The following PBX1 variants were observed in gnomAD, a reference collection of about 807,000 sequenced individuals.
PBX1 encodes the protein PBX homeobox 1, also known as pre-B-cell leukemia transcription factor 1.
In PBX1, 6 loss-of-function variants were observed where a neutral mutation model predicts 53.4. That is an observed-to-expected ratio of 0.11 (90% CI 0.06 to 0.22). The LOEUF (loss-of-function observed/expected upper bound fraction) is 0.22, where lower values mean the gene tolerates loss of function less well. Ranked by LOEUF, PBX1 falls within the 10% of genes least tolerant of loss-of-function variation. The pLI is 1.00. For synonymous variants in PBX1, 204 were observed against 212.3 expected, an observed-to-expected ratio of 0.96 and a Z score of 0.34; for missense variants, 251 against 551.4, an observed-to-expected ratio of 0.46 and a Z score of 5.46.
rs549678753 is a variant in PBX1, at chr1:164,711,189, A to C, written c.266-81305A>C. On this transcript the variant is annotated intron_variant, in intron 2 of 8. Transcript: ENST00000420696. ...TACCAACAGCAGTGAACCAGGGCCT[A>C]GTTGTCAGCAACCAAGACCTCTGCT... Among the ~76,000 whole-genome samples, 138 of 152,320 alleles carry C rather than the reference A, an allele frequency of 9.1e-4. 1 individual carries two copies. Among genetic ancestry groups the C allele is most frequent in the African/African-American group, 3.1e-3 (130 of 41,574 alleles).
At chr1:164,813,660 A>G (rs1475005484) in intron 6 of PBX1, 1 of 152,246 alleles carries the variant, frequency 6.6e-6, no homozygotes, top group Non-Finnish European at 1.5e-5. Flanking sequence ...AAAGGTTATC[A>G]TAATGCAAAA....
chr1:164,705,424 C>T (rs1663371856), intron 2 of PBX1, among the ~76,000 whole-genome samples: 1 of 152,108 alleles, frequency 6.6e-6, no homozygotes, highest in Admixed American at 6.5e-5. Flanking sequence ...TAAGGTGTTT[C>T]CCCCAAAGAA....
chr1:164,630,437 C>A (rs769235566), intron 2 of PBX1, among the ~76,000 whole-genome samples: 1 of 152,096 alleles, frequency 6.6e-6, no homozygotes, highest in Non-Finnish European at 1.5e-5. Flanking sequence ...ATGCTGTTTT[C>A]ATATTTAAGC....
intron 2 of PBX1, among the ~76,000 whole-genome samples, chr1:164,632,032 T>C (rs76147517): frequency 0.085 from 13,003 of 152,254 alleles, 588 homozygotes; most frequent in Middle Eastern, 0.11. Flanking sequence ...CACAGGCTGT[T>C]GTTAGATTTA....
intron 6 of PBX1, chr1:164,813,801 C>G (rs550465809): frequency 6.6e-6 from 1 of 152,186 alleles, no homozygotes. Context: ...TTTATTCTTT[C>G]CTAAAGCCCT....
At chr1:164,575,880 G>C (rs971491438) in intron 2 of PBX1, among the ~76,000 whole-genome samples, 1 of 152,104 alleles carries the variant, frequency 6.6e-6, no homozygotes, top group Non-Finnish European at 1.5e-5. Flanking sequence ...GGTGGGTGCG[G>C]GTGGGTGGTG....
intron 2 of PBX1, among the ~76,000 whole-genome samples, chr1:164,600,410 G>A (rs1022330532): frequency 7.2e-5 from 11 of 151,820 alleles, no homozygotes; most frequent in Non-Finnish European, 1.3e-4. Context: ...CGCCACCATC[G>A]GCTGATTTTT....
At chr1:164,855,941 C>T (rs1249623246), downstream of PBX1, among the ~76,000 whole-genome samples, 3 of 152,330 alleles carry the variant, frequency 2.0e-5, no homozygotes, top group Admixed American at 6.5e-5. Flanking sequence ...AGGCTCCCGC[C>T]TCCCCCTTGG....
At chr1:164,800,110 C>G (rs1571431683) in intron 4 of PBX1, among the ~76,000 whole-genome samples, 1 of 152,324 alleles carries the variant, frequency 6.6e-6, no homozygotes, top group East Asian at 1.9e-4. Flanking sequence ...CTGTTATGCA[C>G]TCTGGGTAGC....
At chr1:164,634,041 G>A (rs958283247) in intron 2 of PBX1, among the ~76,000 whole-genome samples, 5 of 152,342 alleles carry the variant, frequency 3.3e-5, no homozygotes, top group East Asian at 1.9e-4. Flanking sequence ...TGGCACAGCC[G>A]TGGATGAACA....
At chr1:164,750,145 GGTGTGTGTGTGTGTGTGT>G (rs10665357) in intron 2 of PBX1, among the ~76,000 whole-genome samples, 1 of 140,806 alleles carries the variant, frequency 7.1e-6, no homozygotes, top group East Asian at 2.1e-4. Flanking sequence ...GGGGCTAGTT[GGTGTGTGTGTGTGTGTGT>G]GTGTGTGTGT....
Position 164,739,753 on chromosome 1 carries a change from ATGTGTGTG to A in PBX1, c.266-52711_266-52704del, listed in dbSNP as rs57602745. ...TGCAGGGTTCATGAAGTGGTTGTGCATGTGTGTGTGTGTGTGTGTGTGTGTGTGTGTGT... is the reference window on the plus strand; with the variant it reads ...TGCAGGGTTCATGAAGTGGTTGTGCATGTGTGTGTGTGTGTGTGTGTGTGT... On this transcript the variant is annotated intron_variant, in intron 2 of 8. Coordinates refer to ENST00000420696, the MANE Select transcript of PBX1 (RefSeq NM_002585.4). 1.3e-3 allele frequency among the ~76,000 whole-genome samples: 180 copies of A among 143,104 alleles called. 1 individual carries two copies. Among genetic ancestry groups the A allele is most frequent in the South Asian group, 4.7e-3 (21 of 4,488 alleles). 93.9% of individuals were successfully genotyped at this position (143,104 alleles called of 152,430 possible).
intron 2 of PBX1, among the ~76,000 whole-genome samples, chr1:164,730,846 G>C (rs1467222765): frequency 6.6e-5 from 10 of 152,100 alleles, no homozygotes; most frequent in Admixed American, 3.9e-4. Context: ...CATATTTTTT[G>C]TCTTTTTAAG....
rs377334192 is a variant in PBX1 at position 164,846,690 on chromosome 1, G to A, written c.*14G>A. The A allele has an allele frequency of 1.1e-4, 180 of 1,613,870 alleles. No individual in the cohort carries two copies. Among genetic ancestry groups the A allele is most frequent in the Middle Eastern group, 1.6e-4 (1 of 6,074 alleles). On this transcript the variant is annotated 3_prime_UTR_variant, in exon 9 of 9. Transcript: ENST00000420696. ...ACCTCCAACTGATCTCCCAGCAATC[G>A]CATCCCGGCTGACCCTGTGCCCCAG... is the stretch of plus-strand genomic sequence containing the variant.
chr1:164,582,318 C>T (rs1248941866), intron 2 of PBX1, among the ~76,000 whole-genome samples: 3 of 152,066 alleles, frequency 2.0e-5, no homozygotes, highest in Non-Finnish European at 4.4e-5. Context: ...AAATAGGATC[C>T]GTTTCAAATT....
intron 1 of PBX1, 99 bp downstream of exon 1, chr1:164,560,112 T>G: frequency 1.1e-6 from 1 of 876,170 alleles, no homozygotes; most frequent in Non-Finnish European, 1.6e-6. Context: ...GCGCTTTTTT[T>G]GAAAAATGTT....
intron 2 of PBX1, among the ~76,000 whole-genome samples, chr1:164,610,564 A>G (rs1378277115): frequency 6.6e-6 from 1 of 152,026 alleles, no homozygotes; most frequent in Non-Finnish European, 1.5e-5. Flanking sequence ...GTCTTCATAG[A>G]GTGATGATAG....
chr1:164,847,015 A>G lies in PBX1; in HGVS notation c.*339A>G, dbSNP rs758063544. 17 of 1,146,248 alleles carry G rather than the reference A, an allele frequency of 1.5e-5. No individual in the cohort carries two copies. Among genetic ancestry groups the G allele is most frequent in the Non-Finnish European group, 1.8e-5 (17 of 929,128 alleles). The allele number at this position is 1,146,248 out of a possible 1,614,324, so 71.0% of individuals were successfully genotyped here. A position where few individuals can be genotyped will look rare whatever the true frequency, so the allele number is the denominator to read the frequency against. On this transcript the variant is annotated 3_prime_UTR_variant, in exon 9 of 9. Transcript: ENST00000420696. The stretch of plus-strand genomic sequence containing the variant: ...ACTGAAGGATATTTTCAACAATTAG[A>G]GGAATTTAAAGAGGAAAAAAATTAC...
At chr1:164,755,905 T>C (rs1199184747) in intron 2 of PBX1, among the ~76,000 whole-genome samples, 2 of 148,932 alleles carry the variant, frequency 1.3e-5, no homozygotes, top group African/African-American at 5.0e-5. Flanking sequence ...AAGTTGGAGC[T>C]CCCCTGGCAG....
Sources: gnomAD v4.1 joint callset for allele counts (sites outside exome capture counted in the v4.1 genomes callset) on GRCh38, gnomAD v4.1.1 for gene constraint, MANE v1.5 for transcripts, NCBI Gene and HGNC (gene_info 2026-07-23, HGNC 2026-07-21) for gene names.